The following TTC19 variants were observed in gnomAD, a reference collection of about 807,000 sequenced individuals.
The protein encoded by TTC19 is tetratricopeptide repeat domain 19, also known as tetratricopeptide repeat protein 19, mitochondrial.
A neutral mutation model predicts 49.5 loss-of-function variants in TTC19; 38 were observed. That is an observed-to-expected ratio of 0.77 (90% CI 0.59 to 1.01). The LOEUF (loss-of-function observed/expected upper bound fraction) is 1.01, where lower values mean the gene tolerates loss of function less well. Among genes scored for constraint, TTC19 ranks in the 50% least tolerant of loss-of-function variants. TTC19 has a pLI of 0.00. For synonymous variants in TTC19, 204 were observed against 185.2 expected (o/e 1.10, Z -0.83); for missense variants, 475 against 477.7 (o/e 0.99, Z 0.05).
At chr17:16,016,155 TTATAAC>T (rs1275565622) in intron 7 of TTC19, among the ~76,000 whole-genome samples, 1 of 152,248 alleles carries the variant, frequency 6.6e-6, no homozygotes, top group African/African-American at 2.4e-5. Flanking sequence ...TAATTGCCAT[TTATAAC>T]TATAAGCTTT....
At chr17:16,039,482 C>A in intron 2 of TTC19, 1 of 1,614,072 alleles carries the variant, frequency 6.2e-7, no homozygotes, top group South Asian at 1.1e-5. Context: ...CACCACTGGT[C>A]ACAACTGAGG....
At chr17:16,034,848 G>T (rs772551755) in intron 2 of TTC19, 1 of 1,614,136 alleles carries the variant, frequency 6.2e-7, no homozygotes, top group Non-Finnish European at 8.5e-7. Context: ...GGAGACTGAA[G>T]AGGGCCGTTC....
At chr17:16,010,819 T>G (rs1971048872) in intron 7 of TTC19, among the ~76,000 whole-genome samples, 1 of 152,232 alleles carries the variant, frequency 6.6e-6, no homozygotes, top group Non-Finnish European at 1.5e-5. Flanking sequence ...ACCTTCACAT[T>G]TCTCAATAAT....
chr17:16,003,608 C>A (rs1970807193), intron 4 of TTC19, among the ~76,000 whole-genome samples: 1 of 152,008 alleles, frequency 6.6e-6, no homozygotes, highest in African/African-American at 2.4e-5. Flanking sequence ...GTTTTCTACT[C>A]ATCAGAGAGT....
chr17:16,039,759 T>G, intron 2 of TTC19: 1 of 1,023,906 alleles, frequency 9.8e-7, no homozygotes, highest in Non-Finnish European at 1.5e-6. Flanking sequence ...ACTTGGCAAG[T>G]GACCTAGAAC....
chr17:16,007,125 C>T (rs767590853), intron 7 of TTC19, among the ~76,000 whole-genome samples: 2 of 152,132 alleles, frequency 1.3e-5, no homozygotes, highest in Non-Finnish European at 2.9e-5. Context: ...CCAAGAGCTA[C>T]CGAGATGGTA....
intron 2 of TTC19, among the ~76,000 whole-genome samples, chr17:16,035,608 T>C (rs1296682554): frequency 6.6e-6 from 1 of 151,106 alleles, no homozygotes; most frequent in Non-Finnish European, 1.5e-5. Context: ...CAATCACGGC[T>C]TACCAGCTCA....
intron 9 of TTC19, 127 bp from the exon 10 acceptor site, chr17:16,027,246 AG>A: frequency 9.3e-7 from 1 of 1,075,022 alleles, no homozygotes; most frequent in Non-Finnish European, 1.4e-6. Context: ...GAAATGAGGC[AG>A]CACCAGCTTG....
intron 8 of TTC19, 140 bp from the exon 9 acceptor site, chr17:16,026,393 CAAATTTG>C: frequency 2.7e-6 from 2 of 737,456 alleles, no homozygotes; most frequent in Non-Finnish European, 4.4e-6. Flanking sequence ...CAAATGCCCA[CAAATTTG>C]TTAAAGAATG....
chr17:16,039,815 G>GAGAGAC, intron 2 of TTC19: 5 of 639,358 alleles, frequency 7.8e-6, no homozygotes, highest in Non-Finnish European at 1.3e-5. Flanking sequence ...TGGAGACAGA[G>GAGAGAC]TCTCTCTCTG....
intron 7 of TTC19, among the ~76,000 whole-genome samples, chr17:16,012,683 C>G (rs1971110381): frequency 6.6e-6 from 1 of 151,904 alleles, no homozygotes; most frequent in Non-Finnish European, 1.5e-5. Flanking sequence ...GGATTACAGG[C>G]ATATGCCACC....
intron 7 of TTC19, among the ~76,000 whole-genome samples, chr17:16,006,964 T>C (rs1168988013): frequency 2.6e-5 from 4 of 152,188 alleles, no homozygotes; most frequent in Non-Finnish European, 5.9e-5. Flanking sequence ...AAAGCTCATG[T>C]TTTTACAATC....
intron 6 of TTC19, 131 bp downstream of exon 6, chr17:16,004,393 C>T (rs1029964703): frequency 1.1e-6 from 1 of 874,758 alleles, no homozygotes; most frequent in African/African-American, 1.7e-5. Flanking sequence ...TGTTCCATCC[C>T]TCATCTTTGA....
Position 16,039,832 on chromosome 17 carries a change from C to T in TTC19, c.248-4671C>T, listed in dbSNP as rs1193559894. 3 of 576,996 alleles carry T rather than the reference C, an allele frequency of 5.2e-6. No homozygotes were observed. In the East Asian group the frequency reaches 9.2e-5, roughly 18 times the overall value. 35.7% of individuals were successfully genotyped at this position (576,996 alleles called of 1,614,324 possible). A position where few individuals can be genotyped will look rare whatever the true frequency, so the allele number is the denominator to read the frequency against. Reference sequence around the variant, plus strand: ...GAGACAGAGTCTCTCTCTGTCGCACCCAGGCTGGAGTGCAGTGGCGCGATC... The same window carrying T: ...GAGACAGAGTCTCTCTCTGTCGCACTCAGGCTGGAGTGCAGTGGCGCGATC... On this transcript the variant is annotated intron_variant, in intron 2 of 2. Coordinates refer to the TTC19 transcript ENST00000470649.
chr17:16,028,845 A>AAAAAAAAAAAAC lies in TTC19; in HGVS notation c.*1324_*1325insAAAAAAAAAACA. 2.7e-6 allele frequency: 1 copy of AAAAAAAAAAAAC among 376,016 alleles called. No individual in the cohort carries two copies. The highest frequency in any genetic ancestry group is 1.9e-5 in the South Asian group (1 of 51,386). 23.3% of individuals were successfully genotyped at this position (376,016 alleles called of 1,614,324 possible). On this transcript the variant is annotated 3_prime_UTR_variant, in exon 10 of 10. Coordinates refer to ENST00000261647, the MANE Select transcript of TTC19 (RefSeq NM_017775.4). ...AAAAAAAAAAAAAAAAAAAAAAAAA[A>AAAAAAAAAAAAC]ACTTTCTGAAGAAAATAAAAACACC...
At chr17:16,002,118 C>T (rs1432617001) in intron 3 of TTC19, 93 bp downstream of exon 3, 8 of 874,936 alleles carry the variant, frequency 9.1e-6, no homozygotes, top group South Asian at 5.4e-5. Context: ...CTGACTTTCA[C>T]GATGTTCTAA....
chr17:16,011,846 C>A lies in TTC19; in HGVS notation c.676+5278C>A, dbSNP rs962616736. On this transcript the variant is annotated intron_variant, in intron 7 of 9. Transcript: ENST00000261647. ...AGGTGGAATGAGTTAATACATAAAA[C>A]GTACTTAGAATAATACATTGTAGCT... 2.0e-5 allele frequency among the ~76,000 whole-genome samples: 3 copies of A among 152,266 alleles called. No homozygotes were observed. In the East Asian group the frequency reaches 5.8e-4, roughly 29 times the overall value.
rs773422746 is a variant in TTC19, at chr17:16,027,608, TA to T, written c.*89del. The T allele has an allele frequency of 2.0e-6, 3 of 1,502,142 alleles. No individual in the cohort carries two copies. Among genetic ancestry groups the T allele is most frequent in the South Asian group, 1.1e-5 (1 of 87,042 alleles). 93.1% of individuals were successfully genotyped at this position (1,502,142 alleles called of 1,614,324 possible). A position where few individuals can be genotyped will look rare whatever the true frequency, so the allele number is the denominator to read the frequency against. On this transcript the variant is annotated 3_prime_UTR_variant, in exon 10 of 10. Transcript: ENST00000261647. ...TCTCTGTGGCACCCGATCAATGGCT[TA>T]AATCTGTCGTTTTTGATATTCAGGT...
chr17:16,040,505 G>C (rs769335007), intron 2 of TTC19: 2 of 1,611,956 alleles, frequency 1.2e-6, no homozygotes, highest in South Asian at 2.2e-5. Context: ...CTATATTTAA[G>C]CAAACATTCA....
Sources: allele counts gnomAD v4.1 joint callset (sites outside exome capture counted in the v4.1 genomes callset), GRCh38; gene constraint gnomAD v4.1.1; transcripts MANE v1.5; gene names NCBI Gene and HGNC (gene_info 2026-07-23, HGNC 2026-07-21).